Variants in LRP1B observed in about 807,000 individuals in gnomAD.
LRP1B encodes LDL receptor related protein 1B.
A neutral mutation model predicts 556.6 loss-of-function variants in LRP1B; 217 were observed. That is an observed-to-expected ratio of 0.39 (90% CI 0.35 to 0.44). The LOEUF (loss-of-function observed/expected upper bound fraction) is 0.44, where lower values mean the gene tolerates loss of function less well. Among genes scored for constraint, LRP1B ranks in the 20% least tolerant of loss-of-function variants. The pLI, the probability that LRP1B is intolerant of heterozygous loss-of-function variation, is 1.00. For missense variants in LRP1B, 5,053 were observed against 5,620.8 expected, an observed-to-expected ratio of 0.90 and a Z score of 3.23; for synonymous variants, 2,047 against 1,865.8, an observed-to-expected ratio of 1.10 and a Z score of -2.50.
chr2:140,462,819 T>C (rs1434141427), intron 60 of LRP1B, among the ~76,000 whole-genome samples: 2 of 152,172 alleles, frequency 1.3e-5, no homozygotes, highest in Non-Finnish European at 2.9e-5. Context: ...CTCTGAGTAA[T>C]ATGGTGCAGA....
intron 3 of LRP1B, among the ~76,000 whole-genome samples, chr2:141,406,547 C>CATCTATCTATCTATCATCTATCT (rs1690643009): frequency 6.7e-6 from 1 of 149,206 alleles, no homozygotes; most frequent in African/African-American, 2.5e-5. Context: ...ATCTATCTAT[C>CATCTATCTATCTATCATCTATCT]ATCTATCTAT....
At chr2:140,354,557 T>A (rs1682125348) in intron 75 of LRP1B, among the ~76,000 whole-genome samples, 1 of 152,206 alleles carries the variant, frequency 6.6e-6, no homozygotes, top group African/African-American at 2.4e-5. Flanking sequence ...GTTCAGCCCC[T>A]GTAACTTTGA....
intron 1 of LRP1B, among the ~76,000 whole-genome samples, chr2:141,846,245 G>T (rs1203344703): frequency 1.3e-5 from 2 of 151,484 alleles, no homozygotes; most frequent in Admixed American, 1.3e-4. Context: ...TTTAATAAAA[G>T]AATAACCAAG....
intron 2 of LRP1B, among the ~76,000 whole-genome samples, chr2:141,625,374 T>C (rs956469133): frequency 6.6e-6 from 1 of 152,204 alleles, no homozygotes; most frequent in Non-Finnish European, 1.5e-5. Flanking sequence ...AAAAAATGTG[T>C]TGAATCATAT....
At chr2:141,215,847 A>G (rs72855025) in intron 6 of LRP1B, among the ~76,000 whole-genome samples, 50 of 152,318 alleles carry the variant, frequency 3.3e-4, no homozygotes, top group Non-Finnish European at 6.6e-4. Context: ...TAACGTTGGA[A>G]TTTGTATTTA....
chr2:140,458,077 T>C (rs1426572838), intron 60 of LRP1B, among the ~76,000 whole-genome samples: 4 of 152,112 alleles, frequency 2.6e-5, no homozygotes, highest in African/African-American at 9.7e-5. Flanking sequence ...CTAAAGATCA[T>C]TGCCCTACTT....
At chr2:140,366,705 G>A (rs1419128702) in intron 71 of LRP1B, among the ~76,000 whole-genome samples, 1 of 151,686 alleles carries the variant, frequency 6.6e-6, no homozygotes, top group Non-Finnish European at 1.5e-5. Flanking sequence ...TGCTAAGCAG[G>A]TTTAGTGAAA....
chr2:140,315,906 A>C (rs1684501277), intron 82 of LRP1B, among the ~76,000 whole-genome samples: 1 of 152,152 alleles, frequency 6.6e-6, no homozygotes, highest in Non-Finnish European at 1.5e-5. Context: ...ATTTGGTACA[A>C]GTTGGTGACA....
At position 141,743,495 on chromosome 2, in the gene LRP1B, T is replaced by A. The variant is rs1693790898; in HGVS notation, c.205+66784A>T. Among the ~76,000 whole-genome samples, 22 of 40,318 alleles carry A rather than the reference T, an allele frequency of 5.5e-4. No homozygotes were observed. The South Asian group carries it at 0.017, about 31-fold the overall frequency. 26.5% of individuals were successfully genotyped at this position (40,318 alleles called of 152,430 possible). A position where few individuals can be genotyped will look rare whatever the true frequency, so the allele number is the denominator to read the frequency against. On this transcript the variant is annotated intron_variant, in intron 2 of 90. Transcript: ENST00000389484. The stretch of plus-strand genomic sequence containing the variant: ...TCTCCTCTGCTTTTTTCTTTTTTTT[T>A]TTTTTCTTTTTTTTTTTTTTTTGAT...
At chr2:141,660,764 C>T (rs909793135) in intron 2 of LRP1B, among the ~76,000 whole-genome samples, 1 of 152,128 alleles carries the variant, frequency 6.6e-6, no homozygotes, top group African/African-American at 2.4e-5. Context: ...CTGAAAAATC[C>T]GGGCCGTCCA....
chr2:140,672,054 T>C (rs1448408213), intron 41 of LRP1B, among the ~76,000 whole-genome samples: 2 of 152,200 alleles, frequency 1.3e-5, no homozygotes, highest in Admixed American at 6.5e-5. Context: ...GCATGGTCTA[T>C]CCTGGTCCAA....
chr2:141,502,218 C>T (rs780913097), intron 2 of LRP1B, among the ~76,000 whole-genome samples: 7 of 152,112 alleles, frequency 4.6e-5, no homozygotes, highest in Non-Finnish European at 1.0e-4. Context: ...GAATCAATAT[C>T]CTTCTGAAGT....
intron 35 of LRP1B, among the ~76,000 whole-genome samples, chr2:140,755,864 A>T (rs538841865): frequency 6.6e-5 from 10 of 152,104 alleles, no homozygotes; most frequent in African/African-American, 2.4e-4. Context: ...AAGTAGAAGG[A>T]GAAGAAGGAG....
At chr2:140,929,180 A>G (rs1694975296) in intron 20 of LRP1B, among the ~76,000 whole-genome samples, 1 of 152,136 alleles carries the variant, frequency 6.6e-6, no homozygotes, top group African/African-American at 2.4e-5. Context: ...TATTTTTTGC[A>G]TTTGAAAAGA....
In LRP1B at chr2:141,847,153, G is replaced by A. The variant is rs185887667; in HGVS notation, c.83-36752C>T. Among the ~76,000 whole-genome samples the A allele has an allele frequency of 1.1e-3, 169 of 151,580 alleles. 1 individual carries two copies. The highest frequency in any genetic ancestry group is 3.9e-3 in the African/African-American group (163 of 41,496). On this transcript the variant is annotated intron_variant, in intron 1 of 90. Coordinates refer to ENST00000389484, the MANE Select transcript of LRP1B (RefSeq NM_018557.3). ...ATAAGAGAACTCAGCAAGTTTGCAAGATTACAAAATAAAATCACACCCGAA... is the reference window on the plus strand; with the variant it reads ...ATAAGAGAACTCAGCAAGTTTGCAAAATTACAAAATAAAATCACACCCGAA...
intron 83 of LRP1B, among the ~76,000 whole-genome samples, chr2:140,314,057 C>T (rs1684416240): frequency 6.6e-6 from 1 of 151,870 alleles, no homozygotes; most frequent in Non-Finnish European, 1.5e-5. Flanking sequence ...ATATTAAATA[C>T]TTCAAAACAC....
chr2:141,788,290 T>C (rs1358844047), intron 2 of LRP1B, among the ~76,000 whole-genome samples: 2 of 152,046 alleles, frequency 1.3e-5, no homozygotes, highest in Non-Finnish European at 2.9e-5. Context: ...GAAGTGATGA[T>C]TCCTAACCTG....
chr2:141,004,038 A>T (rs1022981826), intron 15 of LRP1B, among the ~76,000 whole-genome samples: 3 of 152,116 alleles, frequency 2.0e-5, no homozygotes, highest in Admixed American at 2.0e-4. Context: ...TGAAAAATGC[A>T]TCTTTTCTTC....
At chr2:141,166,367 C>CT (rs35200370) in intron 7 of LRP1B, among the ~76,000 whole-genome samples, 58,954 of 132,632 alleles carry the variant, frequency 0.44, 14,710 homozygotes, top group Middle Eastern at 0.61. Context: ...CTCTCTCATT[C>CT]TTTTTTTTTT....
Sources: gnomAD v4.1 joint callset for allele counts (sites outside exome capture counted in the v4.1 genomes callset) on GRCh38, gnomAD v4.1.1 for gene constraint, MANE v1.5 for transcripts, NCBI Gene and HGNC (gene_info 2026-07-23, HGNC 2026-07-21) for gene names.